Variants in SLC35F4 observed in about 807,000 individuals in gnomAD.
SLC35F4 encodes the protein solute carrier family 35 member F4.
SLC35F4 carries 24 observed loss-of-function variants against 44.2 expected under a neutral mutation model. The observed-to-expected ratio is 0.54, with a 90% CI of 0.39 to 0.76. SLC35F4 has a LOEUF of 0.76. Among genes scored for constraint, SLC35F4 ranks in the 30% least tolerant of loss-of-function variants. The pLI, the probability that SLC35F4 is intolerant of heterozygous loss-of-function variation, is 0.00. For missense variants in SLC35F4, 562 were observed against 586.1 expected (o/e 0.96, Z 0.42); for synonymous variants, 238 against 223.6 (o/e 1.06, Z -0.57).
intron 1 of SLC35F4, among the ~76,000 whole-genome samples, chr14:57,721,599 C>T (rs1005524900): frequency 6.6e-6 from 1 of 152,134 alleles, no homozygotes; most frequent in Non-Finnish European, 1.5e-5. Flanking sequence ...ATGAAAAGTG[C>T]ATGCACAGCA....
rs545402608 is a variant in SLC35F4, at chr14:57,566,177, G to T, written c.1216+298C>A. The stretch of plus-strand genomic sequence containing the variant: ...GCTGGGATGCCTTTTGTTTCCATAG[G>T]ACTTCCTCTAAAAATACCACAAAAT... On this transcript the variant is annotated intron_variant, in intron 7 of 7. Transcript: ENST00000556826. Among the ~76,000 whole-genome samples the T allele has an allele frequency of 2.0e-5, 3 of 152,136 alleles. No homozygotes were observed. The South Asian group carries it at 6.2e-4, about 32-fold the overall frequency.
At chr14:57,963,777 C>CAG (rs113831837) in intron 1 of SLC35F4, among the ~76,000 whole-genome samples, 5 of 129,748 alleles carry the variant, frequency 3.9e-5, no homozygotes, top group African/African-American at 1.4e-4. Context: ...GGCTGGAGTG[C>CAG]AGTCGTGCAA....
intron 1 of SLC35F4, among the ~76,000 whole-genome samples, chr14:57,704,665 A>G (rs7145150): frequency 0.53 from 80,790 of 151,918 alleles, 21,808 homozygotes; most frequent in Non-Finnish European, 0.58. Context: ...AAGGTGAGAT[A>G]TAATGACTAG....
chr14:57,922,272 T>C (rs574063831), intron 1 of SLC35F4, among the ~76,000 whole-genome samples: 1 of 152,322 alleles, frequency 6.6e-6, no homozygotes, highest in African/African-American at 2.4e-5. Context: ...AATAGAGCCC[T>C]GAAGTTTCTA....
rs952888865 is a variant in SLC35F4 at position 57,857,445 on chromosome 14, A to AT, written c.103+8277dup. Among the ~76,000 whole-genome samples, 33 of 151,814 alleles carry AT rather than the reference A, an allele frequency of 2.2e-4. 2 individuals are homozygous for AT. The highest frequency in any genetic ancestry group is 6.1e-4 in the African/African-American group (25 of 41,288). On this transcript the variant is annotated intron_variant, in intron 1 of 7. Transcript: ENST00000556826. ...TCTATTTGATTCATTCATTGCTGGT[A>AT]TTTTTTTTCTTTTTCTCTAATCACT...
At chr14:57,854,365 T>C (rs1443345014) in intron 1 of SLC35F4, among the ~76,000 whole-genome samples, 1 of 152,162 alleles carries the variant, frequency 6.6e-6, no homozygotes, top group East Asian at 1.9e-4. Flanking sequence ...AACATGTAAA[T>C]ACGTTTGTAA....
At chr14:57,899,695 C>T (rs1595276681) in intron 1 of SLC35F4, among the ~76,000 whole-genome samples, 1 of 152,176 alleles carries the variant, frequency 6.6e-6, no homozygotes, top group East Asian at 1.9e-4. Flanking sequence ...GAGGTTTCCT[C>T]TCCCTGTCTC....
intron 1 of SLC35F4, among the ~76,000 whole-genome samples, chr14:57,742,225 A>G: frequency 6.6e-6 from 1 of 152,210 alleles, no homozygotes; most frequent in East Asian, 1.9e-4. Flanking sequence ...ACATAACAGT[A>G]TTAACCTTAA....
intron 1 of SLC35F4, among the ~76,000 whole-genome samples, chr14:57,953,534 A>G (rs927774296): frequency 6.6e-6 from 1 of 152,210 alleles, no homozygotes; most frequent in Non-Finnish European, 1.5e-5. Context: ...CAGGAGAACC[A>G]TCTCATGTGA....
intron 1 of SLC35F4, among the ~76,000 whole-genome samples, chr14:57,704,139 A>G (rs1223589151): frequency 1.3e-5 from 2 of 152,240 alleles, no homozygotes; most frequent in African/African-American, 4.8e-5. Context: ...GAAGAAACAT[A>G]GTCACCCAAA....
In SLC35F4 at chr14:57,908,889, T is replaced by C. The variant is rs546455214; in HGVS notation, n.282+73024A>G. On this transcript the variant is annotated intron_variant and non_coding_transcript_variant, in intron 1 of 1. Transcript: ENST00000556568. ...TATGTCCTGAATGGTATTGCCTGGA[T>C]TTTCTTCTAGGATTTTTATAGTTTT... is the stretch of plus-strand genomic sequence containing the variant. 2.6e-4 allele frequency among the ~76,000 whole-genome samples: 40 copies of C among 152,336 alleles called. No individual in the cohort carries two copies. In the South Asian group the frequency reaches 7.9e-3, roughly 30 times the overall value.
intron 1 of SLC35F4, among the ~76,000 whole-genome samples, chr14:57,880,936 T>G (rs1420308847): frequency 1.3e-5 from 2 of 152,242 alleles, no homozygotes; most frequent in Non-Finnish European, 2.9e-5. Context: ...TGACACAGAA[T>G]GCACAAATTG....
At position 57,588,989 on chromosome 14, in the gene SLC35F4, G is replaced by A. The variant is rs183479778; in HGVS notation, c.587+227C>T. ...CCTTAAAATGTAAATGTTACCACCGGTCATAATAAGTTATGCAAAAGCACC... is the reference window on the plus strand; with the variant it reads ...CCTTAAAATGTAAATGTTACCACCGATCATAATAAGTTATGCAAAAGCACC... On this transcript the variant is annotated intron_variant, in intron 3 of 7. Coordinates refer to ENST00000556826, the MANE Select transcript of SLC35F4 (RefSeq NM_001306087.2). Among the ~76,000 whole-genome samples, 185 of 152,152 alleles carry A rather than the reference G, an allele frequency of 1.2e-3. 1 individual carries two copies. The highest frequency in any genetic ancestry group is 6.8e-3 in the Middle Eastern group (2 of 294).
chr14:57,733,843 C>T (rs916360184), intron 1 of SLC35F4, among the ~76,000 whole-genome samples: 1 of 152,036 alleles, frequency 6.6e-6, no homozygotes, highest in Non-Finnish European at 1.5e-5. Context: ...ATAATGCTTG[C>T]CATTTAGTTT....
intron 6 of SLC35F4, 59 bp downstream of exon 6, chr14:57,569,729 C>T: frequency 6.9e-7 from 1 of 1,447,130 alleles, no homozygotes; most frequent in Non-Finnish European, 9.1e-7. Context: ...TGATGATAAT[C>T]TAACTAGCCA....
At chr14:57,774,048 G>A (rs188889412) in intron 1 of SLC35F4, among the ~76,000 whole-genome samples, 108 of 152,282 alleles carry the variant, frequency 7.1e-4, no homozygotes, top group Non-Finnish European at 1.3e-3. Context: ...AGTAGTGCAA[G>A]TGGAAGACTT....
At chr14:57,621,693 A>G (rs1472822357) in intron 1 of SLC35F4, among the ~76,000 whole-genome samples, 1 of 152,146 alleles carries the variant, frequency 6.6e-6, no homozygotes, top group Non-Finnish European at 1.5e-5. Flanking sequence ...CTTAAACGTT[A>G]GACCTAAAAC....
chr14:57,742,609 C>T (rs924424430), intron 1 of SLC35F4, among the ~76,000 whole-genome samples: 1 of 152,102 alleles, frequency 6.6e-6, no homozygotes, highest in Non-Finnish European at 1.5e-5. Flanking sequence ...CTAAGACTCC[C>T]ATGCAATAAT....
chr14:57,970,998 T>G (rs977888229), intron 1 of SLC35F4, among the ~76,000 whole-genome samples: 1 of 152,234 alleles, frequency 6.6e-6, no homozygotes, highest in Admixed American at 6.5e-5. Flanking sequence ...GACTTTGCTC[T>G]TATCTGTTAT....
Sources: allele counts gnomAD v4.1 joint callset (sites outside exome capture counted in the v4.1 genomes callset), GRCh38; gene constraint gnomAD v4.1.1; transcripts MANE v1.5; gene names NCBI Gene and HGNC (gene_info 2026-07-23, HGNC 2026-07-21).